The following TMPRSS11D variants were observed in gnomAD, a reference collection of about 807,000 sequenced individuals.
TMPRSS11D encodes the protein transmembrane serine protease 11D.
A neutral mutation model predicts 44.4 loss-of-function variants in TMPRSS11D; 32 were observed. The ratio of observed to expected loss-of-function variants is 0.72; its 90% CI spans 0.54 to 0.97. The LOEUF is 0.97. Ranked by LOEUF, TMPRSS11D falls within the 50% of genes least tolerant of loss-of-function variation. TMPRSS11D has a pLI of 0.00. For synonymous variants in TMPRSS11D, 179 were observed against 177.9 expected, an observed-to-expected ratio of 1.01 and a Z score of -0.05; for missense variants, 446 against 502.6, an observed-to-expected ratio of 0.89 and a Z score of 1.08.
At chr4:67,869,561 A>G (rs1719007116) in intron 1 of TMPRSS11D, among the ~76,000 whole-genome samples, 1 of 152,324 alleles carries the variant, frequency 6.6e-6, no homozygotes, top group South Asian at 2.1e-4. Context: ...TACATGTGAG[A>G]CTAAAAACAC....
intron 3 of TMPRSS11D, among the ~76,000 whole-genome samples, chr4:67,848,835 C>T (rs530377415): frequency 1.2e-4 from 18 of 152,232 alleles, no homozygotes; most frequent in Admixed American, 7.2e-4. Context: ...TGCCGGTCTT[C>T]GAACTTGAAG....
chr4:67,829,410 A>C (rs577985269), intron 7 of TMPRSS11D, among the ~76,000 whole-genome samples: 1 of 151,252 alleles, frequency 6.6e-6, no homozygotes, highest in Non-Finnish European at 1.5e-5. Flanking sequence ...ATGTGCACCT[A>C]TATACATAGG....
intron 3 of TMPRSS11D, among the ~76,000 whole-genome samples, chr4:67,850,660 C>T (rs1718481409): frequency 6.6e-6 from 1 of 152,126 alleles, no homozygotes; most frequent in Non-Finnish European, 1.5e-5. Context: ...TAAAGGAGTG[C>T]ACTTGGACAG....
chr4:67,825,240 AGTG>A lies in TMPRSS11D; in HGVS notation c.1095+489_1095+491del, dbSNP rs1717763172. On this transcript the variant is annotated intron_variant, in intron 9 of 9. Coordinates refer to ENST00000283916, the MANE Select transcript of TMPRSS11D (RefSeq NM_004262.3). Reference sequence around the variant, plus strand: ...ATATATCAATTAATTTTTATAATATAGTGATTAATTTTTTATTTAATCCTTCAC... The same window carrying A: ...ATATATCAATTAATTTTTATAATATAATTAATTTTTTATTTAATCCTTCAC... 2.0e-5 allele frequency among the ~76,000 whole-genome samples: 3 copies of A among 152,026 alleles called. No homozygotes were observed. The South Asian group carries it at 6.2e-4, about 32-fold the overall frequency.
intron 8 of TMPRSS11D, 48 bp downstream of exon 8, chr4:67,827,213 C>T: frequency 1.3e-6 from 2 of 1,538,972 alleles, no homozygotes; most frequent in Non-Finnish European, 1.7e-6. Flanking sequence ...TACCTAATAG[C>T]AAATATAAGA....
chr4:67,843,969 C>T (rs772420334), intron 3 of TMPRSS11D, among the ~76,000 whole-genome samples: 18 of 152,154 alleles, frequency 1.2e-4, no homozygotes, highest in African/African-American at 4.3e-4. Context: ...TGAATCATAA[C>T]TATCTCCTTG....
chr4:67,861,608 A>G (rs1337906077), intron 1 of TMPRSS11D, among the ~76,000 whole-genome samples: 3 of 152,114 alleles, frequency 2.0e-5, no homozygotes, highest in African/African-American at 7.2e-5. Context: ...AAAATCTCCA[A>G]AAAAAGAAAT....
At chr4:67,871,098 G>A (rs1028820297) in intron 1 of TMPRSS11D, among the ~76,000 whole-genome samples, 2 of 152,138 alleles carry the variant, frequency 1.3e-5, no homozygotes, top group African/African-American at 4.8e-5. Context: ...GGAAGGCATT[G>A]GCTAGGAGCA....
chr4:67,848,444 G>A (rs1718411104), intron 3 of TMPRSS11D, among the ~76,000 whole-genome samples: 1 of 152,114 alleles, frequency 6.6e-6, no homozygotes. Context: ...GTCAGGTATT[G>A]GAATACAACG....
At chr4:67,842,748 C>A (rs1191454431) in intron 3 of TMPRSS11D, 123 bp from the exon 4 acceptor site, 22 of 851,886 alleles carry the variant, frequency 2.6e-5, no homozygotes, top group East Asian at 1.0e-4. Context: ...TTTAGTTCAA[C>A]CTAATTCCAT....
At chr4:67,832,882 C>A (rs1162785976) in intron 7 of TMPRSS11D, among the ~76,000 whole-genome samples, 1 of 151,634 alleles carries the variant, frequency 6.6e-6, no homozygotes, top group Non-Finnish European at 1.5e-5. Context: ...CAGTGTTGTC[C>A]CTTAATTTGG....
intron 1 of TMPRSS11D, among the ~76,000 whole-genome samples, chr4:67,873,259 C>A (rs1050368444): frequency 6.6e-6 from 1 of 152,202 alleles, no homozygotes; most frequent in African/African-American, 2.4e-5. Context: ...TTGAGGAGCA[C>A]AGTATTCCCA....
At chr4:67,879,462 A>G (rs1577835752) in intron 1 of TMPRSS11D, among the ~76,000 whole-genome samples, 1 of 118,744 alleles carries the variant, frequency 8.4e-6, no homozygotes, top group South Asian at 2.9e-4. Flanking sequence ...ACAGAGCGAG[A>G]CTCCTTCTCA....
chr4:67,842,132 T>C (rs1718246284), intron 4 of TMPRSS11D, among the ~76,000 whole-genome samples: 1 of 152,178 alleles, frequency 6.6e-6, no homozygotes, highest in Non-Finnish European at 1.5e-5. Context: ...TTATAGCACA[T>C]CAGGCAGATA....
chr4:67,850,553 C>T (rs1363753256), intron 3 of TMPRSS11D, among the ~76,000 whole-genome samples: 2 of 152,132 alleles, frequency 1.3e-5, no homozygotes, highest in Non-Finnish European at 2.9e-5. Context: ...AGGAAACACC[C>T]TGTCAAAAGC....
chr4:67,857,583 C>A (rs1441077246), intron 2 of TMPRSS11D, among the ~76,000 whole-genome samples: 1 of 151,658 alleles, frequency 6.6e-6, no homozygotes, highest in Admixed American at 6.6e-5. Context: ...CAAAGTGAGA[C>A]CCCATCTCTA....
At chr4:67,870,075 A>G (rs1719020966) in intron 1 of TMPRSS11D, among the ~76,000 whole-genome samples, 1 of 152,200 alleles carries the variant, frequency 6.6e-6, no homozygotes, top group South Asian at 2.1e-4. Flanking sequence ...GCTCAGTTTC[A>G]TACGCTTTTC....
At chr4:67,851,226 G>C (rs1418602354) in intron 3 of TMPRSS11D, among the ~76,000 whole-genome samples, 2 of 152,192 alleles carry the variant, frequency 1.3e-5, no homozygotes, top group Non-Finnish European at 2.9e-5. Context: ...CATTCACTTA[G>C]ATGGTGGGTC....
Position 67,835,090 on chromosome 4 carries a change from A to G in TMPRSS11D, c.507T>C (p.Leu169=). 1 of 1,612,428 alleles carries G rather than the reference A, an allele frequency of 6.2e-7. No individual in the cohort carries two copies. The highest frequency in any genetic ancestry group is 8.5e-7 in the Non-Finnish European group (1 of 1,178,822). The change falls in exon 6 of 10, where the codon CTT becomes CTC. Residue 169 remains leucine, a synonymous_variant. Coordinates refer to ENST00000283916, the MANE Select transcript of TMPRSS11D (RefSeq NM_004262.3). ...AATAATATTAAAACTTACCATTAAT[A>G]AGCCAATTTGCTGCAGCCTGGTCAG... ...SLTDQAAANW[L]INECGAGPDL...
Sources: allele counts gnomAD v4.1 joint callset (sites outside exome capture counted in the v4.1 genomes callset), GRCh38; gene constraint gnomAD v4.1.1; transcripts MANE v1.5; gene names NCBI Gene and HGNC (gene_info 2026-07-23, HGNC 2026-07-21).